The following ZNF516 variants were observed in gnomAD, a reference collection of about 807,000 sequenced individuals.
ZNF516 encodes the protein zinc finger protein 516.
In ZNF516, 19 loss-of-function variants were observed where a neutral mutation model predicts 79.7. The observed-to-expected ratio is 0.24, with a 90% CI of 0.17 to 0.35. The LOEUF is 0.35. ZNF516 is among the 10% of genes least tolerant of loss of function. ZNF516 has a pLI of 1.00. For synonymous variants in ZNF516, 877 were observed against 739.5 expected (o/e 1.19, Z -3.02); for missense variants, 1,678 against 1,679.5 (o/e 1.00, Z 0.02).
In ZNF516 at chr18:76,432,921, G is replaced by C. The variant is rs562265128; in HGVS notation, c.1810+8324C>G. Among the ~76,000 whole-genome samples the C allele has an allele frequency of 4.6e-4, 70 of 152,198 alleles. 1 individual carries two copies. Among genetic ancestry groups the C allele is most frequent in the Non-Finnish European group, 9.6e-4 (65 of 68,044 alleles). On this transcript the variant is annotated intron_variant, in intron 3 of 6. Coordinates refer to ENST00000443185, the MANE Select transcript of ZNF516 (RefSeq NM_014643.4). ...ACTCCAAGCCATGGCTCTAACACGAGGCGTGTAGGGCCAGAAGAAGGGAAG... is the reference window on the plus strand; with the variant it reads ...ACTCCAAGCCATGGCTCTAACACGACGCGTGTAGGGCCAGAAGAAGGGAAG...
chr18:76,441,087 C>G (rs1453071456), intron 3 of ZNF516, among the ~76,000 whole-genome samples, 158 bp downstream of exon 3: 3 of 152,174 alleles, frequency 2.0e-5, no homozygotes, highest in African/African-American at 7.2e-5. Context: ...GTGTGGAGTC[C>G]TGAGTCCCAG....
At chr18:76,424,765 C>T (rs1178785228) in intron 3 of ZNF516, among the ~76,000 whole-genome samples, 3 of 136,732 alleles carry the variant, frequency 2.2e-5, no homozygotes, top group Non-Finnish European at 1.5e-5. Flanking sequence ...CCAAAACACA[C>T]GCAGGTGAAA....
chr18:76,434,567 G>A (rs1320291960), intron 3 of ZNF516, among the ~76,000 whole-genome samples: 1 of 152,224 alleles, frequency 6.6e-6, no homozygotes, highest in African/African-American at 2.4e-5. Context: ...TACGTGGCAG[G>A]AAGGAAACTC....
At chr18:76,375,797 G>A (rs1237460265) in intron 4 of ZNF516, among the ~76,000 whole-genome samples, 2 of 151,144 alleles carry the variant, frequency 1.3e-5, no homozygotes, top group East Asian at 2.0e-4. Flanking sequence ...CAAAGACCAG[G>A]TAGAGGATGT....
At chr18:76,428,678 A>C (rs569027452) in intron 3 of ZNF516, among the ~76,000 whole-genome samples, 1 of 151,770 alleles carries the variant, frequency 6.6e-6, no homozygotes, top group Non-Finnish European at 1.5e-5. Flanking sequence ...AAAACAAGAA[A>C]AAAATCTACA....
intron 6 of ZNF516, among the ~76,000 whole-genome samples, chr18:76,364,246 A>C (rs2074581899): frequency 6.6e-6 from 1 of 152,214 alleles, no homozygotes; most frequent in South Asian, 2.1e-4. Flanking sequence ...ATGTGTTCCA[A>C]TACCTCATTT....
chr18:76,439,817 T>G (rs1402442741), intron 3 of ZNF516, among the ~76,000 whole-genome samples: 1 of 152,108 alleles, frequency 6.6e-6, no homozygotes, highest in Non-Finnish European at 1.5e-5. Context: ...CTCCAAAAAG[T>G]AGACAGAGTA....
chr18:76,434,346 C>A (rs942403717), intron 3 of ZNF516, among the ~76,000 whole-genome samples: 6 of 152,176 alleles, frequency 3.9e-5, no homozygotes, highest in African/African-American at 1.4e-4. Context: ...TCGTATCCAG[C>A]ACTACCCCTC....
chr18:76,443,109 C>T lies in ZNF516; in HGVS notation c.-55G>A, dbSNP rs1314505980. The T allele has an allele frequency of 1.3e-6, 2 of 1,521,438 alleles. No homozygotes were observed. The highest frequency in any genetic ancestry group is 2.4e-5 in the East Asian group (1 of 40,882). The allele number at this position is 1,521,438 out of a possible 1,614,324, so 94.2% of individuals were successfully genotyped here. A position where few individuals can be genotyped will look rare whatever the true frequency, so the allele number is the denominator to read the frequency against. On this transcript the variant is annotated 5_prime_UTR_variant, in exon 3 of 7. Coordinates refer to ENST00000443185, the MANE Select transcript of ZNF516 (RefSeq NM_014643.4). ...GCACAGCTTTCTGTCGCGCGGGCTG[C>T]AGGGACCGTCCTATCTCTCCATGGT...
intron 1 of ZNF516, among the ~76,000 whole-genome samples, chr18:76,486,954 T>C (rs1914868255): frequency 6.6e-6 from 1 of 152,202 alleles, no homozygotes; most frequent in Admixed American, 6.5e-5. Flanking sequence ...TGGTAAGATG[T>C]ATCTAAACCT....
At position 76,380,154 on chromosome 18, in the gene ZNF516, C is replaced by G. The variant is rs760177252; in HGVS notation, c.1960G>C (p.Glu654Gln). The stretch of plus-strand genomic sequence containing the variant: ...CTAGAAGTCTCTCTGCTACTGTTTT[C>G]AAGTATGGACACAGAAGCTGCGATC... ...AGIAASVSIL[E>Q]NSSRETSRRQ... Residue 654 changes from glutamate to glutamine, a missense_variant, in exon 4 of 7, where the codon GAA becomes CAA. Glu to Gln is a conservative substitution (Grantham distance 29). Around this residue, in one of 5 missense-constraint regions of ZNF516, gnomAD observed 1,294 missense variants for 1,248.3 expected, o/e 1.04. Coordinates refer to ENST00000443185, the MANE Select transcript of ZNF516 (RefSeq NM_014643.4). 5.0e-6 allele frequency: 8 copies of G among 1,613,824 alleles called. No individual in the cohort carries two copies. The highest frequency in any genetic ancestry group is 1.3e-5 in the African/African-American group (1 of 74,892).
rs1568242066 is a variant in ZNF516 at position 76,380,194 on chromosome 18, G to GC, written c.1919dup (p.Glu641ArgfsTer14). The GC allele has an allele frequency of 6.2e-7, 1 of 1,613,918 alleles. No homozygotes were observed. ...AAGCTGCGATCCCTGCCTTGGACTC[G>GC]CCGGTGTCTCTTTCCGAGGCGTTAT... On this transcript the variant is annotated frameshift_variant, in exon 4 of 7. Transcript: ENST00000443185. LOFTEE classifies it high-confidence loss of function.
intron 6 of ZNF516, among the ~76,000 whole-genome samples, chr18:76,364,744 T>C (rs1187004690): frequency 6.6e-6 from 1 of 152,206 alleles, no homozygotes; most frequent in Non-Finnish European, 1.5e-5. Context: ...GAGGTCAGCC[T>C]GTAAACAGGG....
chr18:76,383,185 C>T (rs1055628153), intron 3 of ZNF516, among the ~76,000 whole-genome samples: 13 of 152,112 alleles, frequency 8.5e-5, no homozygotes, highest in Admixed American at 7.9e-4. Context: ...AGCATGACCA[C>T]GAGTGGAGGG....
At chr18:76,446,266 A>C (rs1225448706) in intron 2 of ZNF516, among the ~76,000 whole-genome samples, 1 of 152,190 alleles carries the variant, frequency 6.6e-6, no homozygotes, top group African/African-American at 2.4e-5. Flanking sequence ...GACCCCAGGG[A>C]CATCCAGGCA....
intron 3 of ZNF516, among the ~76,000 whole-genome samples, chr18:76,380,673 G>C (rs1015104768): frequency 2.3e-4 from 35 of 152,166 alleles, no homozygotes; most frequent in African/African-American, 8.0e-4. Context: ...TGACTTTCGA[G>C]GAACTCTACA....
At chr18:76,441,189 G>A (rs944135648) in intron 3 of ZNF516, 56 bp downstream of exon 3, 3 of 1,555,744 alleles carry the variant, frequency 1.9e-6, no homozygotes, top group South Asian at 1.2e-5. Flanking sequence ...CCTGGAAGCA[G>A]GAACCCCCTG....
chr18:76,405,126 A>G (rs1320351070), intron 3 of ZNF516, among the ~76,000 whole-genome samples: 1 of 152,152 alleles, frequency 6.6e-6, no homozygotes, highest in Non-Finnish European at 1.5e-5. Flanking sequence ...AGGCCAAGAT[A>G]AGGACACACC....
chr18:76,368,977 G>A (rs1032244138), intron 6 of ZNF516, among the ~76,000 whole-genome samples: 5 of 152,068 alleles, frequency 3.3e-5, no homozygotes, highest in East Asian at 3.8e-4. Context: ...CTGGCTTCCC[G>A]CCCCTGTCAA....
Sources: allele counts gnomAD v4.1 joint callset (sites outside exome capture counted in the v4.1 genomes callset), GRCh38; gene constraint gnomAD v4.1.1; regional missense constraint gnomAD v4.1.1; transcripts MANE v1.5; gene names NCBI Gene and HGNC (gene_info 2026-07-23, HGNC 2026-07-21).